Variants in ANKRD28 observed in about 807,000 individuals in gnomAD.
The protein encoded by ANKRD28 is serine/threonine-protein phosphatase 6 regulatory ankyrin repeat subunit A.
In ANKRD28, 44 loss-of-function variants were observed where a neutral mutation model predicts 126.5. The observed-to-expected ratio is 0.35, with a 90% CI of 0.27 to 0.45. ANKRD28 has a LOEUF of 0.45. Among genes scored for constraint, ANKRD28 ranks in the 20% least tolerant of loss-of-function variants. The pLI is 1.00. For synonymous variants in ANKRD28, 442 were observed against 468.5 expected (o/e 0.94, Z 0.73); for missense variants, 1,110 against 1,316.6 (o/e 0.84, Z 2.43).
intron 2 of ANKRD28, among the ~76,000 whole-genome samples, chr3:15,777,902 A>C (rs957934448): frequency 5.4e-4 from 74 of 136,826 alleles, no homozygotes; most frequent in African/African-American, 1.4e-3. Flanking sequence ...ACACACACAC[A>C]CCCTCTCCGC....
Position 15,797,398 on chromosome 3 carries a change from T to C in ANKRD28, c.-877A>G, listed in dbSNP as rs1355890827. ...TAGCATAAGCAAGGCAGAGCGTTCA[T>C]TCTTTCTCCATCAGGCAGTTGTCTG... On this transcript the variant is annotated 5_prime_UTR_variant, in exon 1 of 28. The change abolishes an upstream ATG in the 5' untranslated region. Coordinates refer to ENST00000683139, the MANE Select transcript of ANKRD28 (RefSeq NM_001349278.2). 11 of 985,260 alleles carry C rather than the reference T, an allele frequency of 1.1e-5. No homozygotes were observed. In the East Asian group the frequency reaches 1.1e-3, roughly 102 times the overall value. 61.0% of individuals were successfully genotyped at this position (985,260 alleles called of 1,614,324 possible). A position where few individuals can be genotyped will look rare whatever the true frequency, so the allele number is the denominator to read the frequency against.
At chr3:15,768,599 C>A (rs1198535883) in intron 2 of ANKRD28, among the ~76,000 whole-genome samples, 3 of 151,986 alleles carry the variant, frequency 2.0e-5, no homozygotes, top group Non-Finnish European at 4.4e-5. Context: ...CTGCTGTGAG[C>A]TATGACCATG....
intron 1 of ANKRD28, among the ~76,000 whole-genome samples, chr3:15,824,474 ACT>A (rs2061016247): frequency 6.6e-6 from 1 of 152,246 alleles, no homozygotes; most frequent in Non-Finnish European, 1.5e-5. Context: ...AAAAAAACAA[ACT>A]ATCAGAGCTA....
intron 1 of ANKRD28, among the ~76,000 whole-genome samples, chr3:15,809,052 T>C (rs2060650963): frequency 6.6e-6 from 1 of 151,960 alleles, no homozygotes; most frequent in African/African-American, 2.4e-5. Context: ...AAAATTCTAC[T>C]TATCATCTGC....
rs567949096 is a variant in ANKRD28 at position 15,825,101 on chromosome 3, C to T, written c.28-29795G>A. 4.6e-5 allele frequency among the ~76,000 whole-genome samples: 7 copies of T among 152,324 alleles called. 1 individual carries two copies. Among genetic ancestry groups the T allele is most frequent in the African/African-American group, 1.7e-4 (7 of 41,564 alleles). On this transcript the variant is annotated intron_variant, in intron 1 of 27. Coordinates refer to the ANKRD28 transcript ENST00000399451. ...AAATTTGCGTTACCAGTACTCTCCA[C>T]ATCACAGGGCAGAAATCTTAAACTA... is the stretch of plus-strand genomic sequence containing the variant.
intron 15 of ANKRD28, among the ~76,000 whole-genome samples, chr3:15,695,678 A>G (rs2069435985): frequency 6.6e-6 from 1 of 152,092 alleles, no homozygotes; most frequent in Admixed American, 6.5e-5. Flanking sequence ...TCTATTCCAG[A>G]ATCAGACCAC....
rs1468518111 is a variant in ANKRD28, at chr3:15,706,860, ATG to A, written c.1547+1062_1547+1063del. ...GACCAGTGATGATGAGCATTTTTTC[ATG>A]TGTCTGTTGGCTGCATAAATGTCTT... On this transcript the variant is annotated intron_variant, in intron 14 of 27. Transcript: ENST00000683139. 2.0e-5 allele frequency among the ~76,000 whole-genome samples: 3 copies of A among 152,020 alleles called. No individual in the cohort carries two copies. The East Asian group carries it at 5.8e-4, about 29-fold the overall frequency.
At chr3:15,735,577 T>C in intron 5 of ANKRD28, 80 bp from the exon 6 acceptor site, 1 of 1,067,832 alleles carries the variant, frequency 9.4e-7, no homozygotes, top group South Asian at 1.5e-5. Flanking sequence ...CAGTTACTTA[T>C]CTCAACTTCT....
At chr3:15,821,837 G>C (rs779983846) in intron 1 of ANKRD28, among the ~76,000 whole-genome samples, 1 of 152,162 alleles carries the variant, frequency 6.6e-6, no homozygotes, top group Non-Finnish European at 1.5e-5. Context: ...TGTATGTTTT[G>C]AACTATGTAG....
intron 1 of ANKRD28, among the ~76,000 whole-genome samples, chr3:15,841,706 A>C (rs1355092163): frequency 1.3e-5 from 2 of 152,224 alleles, no homozygotes; most frequent in African/African-American, 4.8e-5. Context: ...TGAGCATCAG[A>C]GAAATGCAAA....
intron 1 of ANKRD28, among the ~76,000 whole-genome samples, chr3:15,850,251 AGAGAGAG>A (rs2061622053): frequency 1.4e-5 from 2 of 141,090 alleles, no homozygotes; most frequent in Admixed American, 7.1e-5. Flanking sequence ...AGAGAGAGAG[AGAGAGAG>A]AGAGAAAGTT....
At chr3:15,856,362 G>C (rs760934384) in intron 1 of ANKRD28, among the ~76,000 whole-genome samples, 2 of 152,168 alleles carry the variant, frequency 1.3e-5, no homozygotes, top group Non-Finnish European at 2.9e-5. Context: ...TACTGGTTGT[G>C]AGTCTGTGAT....
intron 1 of ANKRD28, among the ~76,000 whole-genome samples, chr3:15,851,404 A>T (rs1381265308): frequency 6.6e-6 from 1 of 151,938 alleles, no homozygotes; most frequent in Admixed American, 6.6e-5. Context: ...ATTAGCTGTG[A>T]ATAGTGGCAT....
intron 1 of ANKRD28, among the ~76,000 whole-genome samples, chr3:15,836,748 T>G (rs2061333092): frequency 1.3e-5 from 2 of 152,090 alleles, no homozygotes; most frequent in African/African-American, 2.4e-5. Flanking sequence ...TTAACATTAA[T>G]AGTATTAATT....
chr3:15,706,457 T>C (rs1415460570), intron 14 of ANKRD28, among the ~76,000 whole-genome samples: 3 of 152,228 alleles, frequency 2.0e-5, no homozygotes, highest in Non-Finnish European at 4.4e-5. Flanking sequence ...CCATGATGTA[T>C]ATGTGCCACA....
At position 15,724,508 on chromosome 3, in the gene ANKRD28, C is replaced by T; in HGVS notation, c.657G>A (p.Val219=). ...WAAYMGHIEV[V]KLLVSHGAEV... is the part of the protein sequence containing the mutation. ...CAGCTCCATGCGACACAAGCAATTT[C>T]ACTACTTCAATGTGACCTAAAAATG... The change falls in exon 7 of 28, where the codon GTG becomes GTA. Residue 219 remains valine (V), a synonymous_variant. Coordinates refer to ENST00000683139, the MANE Select transcript of ANKRD28 (RefSeq NM_001349278.2). 6.3e-7 allele frequency: 1 copy of T among 1,584,704 alleles called. No individual in the cohort carries two copies. Among genetic ancestry groups the T allele is most frequent in the Admixed American group, 1.8e-5 (1 of 55,288 alleles).
intron 2 of ANKRD28, among the ~76,000 whole-genome samples, chr3:15,789,369 C>T (rs556136960): frequency 2.6e-4 from 39 of 151,846 alleles, no homozygotes; most frequent in African/African-American, 9.4e-4. Flanking sequence ...TTAGAGTAGT[C>T]TTGTAACCAA....
At chr3:15,756,946 TAAAC>T in intron 3 of ANKRD28, among the ~76,000 whole-genome samples, 1 of 152,306 alleles carries the variant, frequency 6.6e-6, no homozygotes, top group East Asian at 1.9e-4. Context: ...AGCTGACCCT[TAAAC>T]AACACTGGTT....
chr3:15,856,051 G>A (rs1559603589), intron 1 of ANKRD28, among the ~76,000 whole-genome samples: 1 of 152,148 alleles, frequency 6.6e-6, no homozygotes, highest in Non-Finnish European at 1.5e-5. Flanking sequence ...ATCTAAACCA[G>A]CAGTTATAAA....
Sources: gnomAD v4.1 joint callset for allele counts (sites outside exome capture counted in the v4.1 genomes callset) on GRCh38, gnomAD v4.1.1 for gene constraint, MANE v1.5 for transcripts, NCBI Gene and HGNC (gene_info 2026-07-23, HGNC 2026-07-21) for gene names.